Variants in MAPK9 observed in about 807,000 individuals in gnomAD.
The protein encoded by MAPK9 is Jun kinase.
In MAPK9, 30 loss-of-function variants were observed where a neutral mutation model predicts 57.1. The ratio of observed to expected loss-of-function variants is 0.53; its 90% CI spans 0.39 to 0.71. The LOEUF is 0.71. Among genes scored for constraint, MAPK9 ranks in the 30% least tolerant of loss-of-function variants. The pLI is 0.00. For synonymous variants in MAPK9, 155 were observed against 177.0 expected, an observed-to-expected ratio of 0.88 and a Z score of 0.99; for missense variants, 362 against 521.0, an observed-to-expected ratio of 0.69 and a Z score of 2.97.
chr5:180,265,104 T>C (rs551560313), intron 3 of MAPK9, among the ~76,000 whole-genome samples: 30 of 152,170 alleles, frequency 2.0e-4, no homozygotes, highest in African/African-American at 4.1e-4. Flanking sequence ...TTTTTGAACA[T>C]AAAAAAGTAG....
chr5:180,279,551 TA>T (rs1487732134), intron 2 of MAPK9, among the ~76,000 whole-genome samples: 1 of 152,134 alleles, frequency 6.6e-6, no homozygotes. Context: ...CAAGGAAATG[TA>T]AACTACCCTA....
At chr5:180,279,130 G>A (rs1289331263) in intron 2 of MAPK9, among the ~76,000 whole-genome samples, 1 of 151,964 alleles carries the variant, frequency 6.6e-6, no homozygotes, top group Non-Finnish European at 1.5e-5. Context: ...GCTAATTTCT[G>A]TATTTTTAGC....
At chr5:180,248,937 A>C in intron 6 of MAPK9, 36 bp downstream of exon 6, 1 of 1,556,934 alleles carries the variant, frequency 6.4e-7, no homozygotes, top group Non-Finnish European at 8.7e-7. Context: ...GCAATTTCTA[A>C]ACATCCCAGC....
At chr5:180,261,607 A>T in intron 5 of MAPK9, 77 bp downstream of exon 5, 1 of 1,310,614 alleles carries the variant, frequency 7.6e-7, no homozygotes, top group Admixed American at 2.9e-5. Context: ...ATTTTTTTTA[A>T]ATGTTATTTT....
At position 180,242,508 on chromosome 5, in the gene MAPK9, C is replaced by A; in HGVS notation, c.871+65G>T. 2.1e-6 allele frequency: 3 copies of A among 1,444,106 alleles called. No homozygotes were observed. The East Asian group carries it at 6.8e-5, about 33-fold the overall frequency. 89.5% of individuals were successfully genotyped at this position (1,444,106 alleles called of 1,614,324 possible). A position where few individuals can be genotyped will look rare whatever the true frequency, so the allele number is the denominator to read the frequency against. ...AAAACACAGGTTTTTAGAATACAAA[C>A]ATGAAAGAGTGAAAGCACCACCTGA... On this transcript the variant is annotated intron_variant, in intron 8 of 11. Transcript: ENST00000452135.
At chr5:180,270,629 T>C (rs1366165208) in intron 2 of MAPK9, among the ~76,000 whole-genome samples, 1 of 152,108 alleles carries the variant, frequency 6.6e-6, no homozygotes, top group African/African-American at 2.4e-5. Context: ...GGCAGGCAGA[T>C]CGCTTGAGCC....
chr5:180,248,239 G>A (rs1038479210), intron 6 of MAPK9, among the ~76,000 whole-genome samples: 1 of 152,216 alleles, frequency 6.6e-6, no homozygotes, highest in Non-Finnish European at 1.5e-5. Context: ...GTGCCCTGCT[G>A]GCGGGCCGAG....
intron 4 of MAPK9, among the ~76,000 whole-genome samples, chr5:180,262,108 T>C (rs934243619): frequency 2.2e-4 from 33 of 152,094 alleles, no homozygotes; most frequent in African/African-American, 8.0e-4. Flanking sequence ...AAATTCTCCG[T>C]ACCAGCCTAA....
At chr5:180,290,688 G>C (rs1299038529) in intron 1 of MAPK9, among the ~76,000 whole-genome samples, 1 of 152,234 alleles carries the variant, frequency 6.6e-6, no homozygotes, top group Non-Finnish European at 1.5e-5. Context: ...TCACAAAATA[G>C]AACAAGCTTC....
intron 5 of MAPK9, among the ~76,000 whole-genome samples, chr5:180,251,362 C>T (rs531264643): frequency 2.6e-5 from 4 of 152,324 alleles, no homozygotes; most frequent in South Asian, 2.1e-4. Context: ...ACCATCTCCA[C>T]GGGCTGCCTG....
intron 3 of MAPK9, among the ~76,000 whole-genome samples, chr5:180,268,812 G>A (rs568703359): frequency 7.0e-4 from 93 of 132,786 alleles, no homozygotes; most frequent in Admixed American, 1.5e-3. Flanking sequence ...GGGCGACAGA[G>A]CGAGACTCCG....
At position 180,236,250 on chromosome 5, in the gene MAPK9, A is replaced by G; in HGVS notation, c.*134T>C. The G allele has an allele frequency of 1.0e-6, 1 of 982,910 alleles. No homozygotes were observed. The highest frequency in any genetic ancestry group is 1.4e-6 in the Non-Finnish European group (1 of 702,342). 60.9% of individuals were successfully genotyped at this position (982,910 alleles called of 1,614,324 possible). A position where few individuals can be genotyped will look rare whatever the true frequency, so the allele number is the denominator to read the frequency against. On this transcript the variant is annotated 3_prime_UTR_variant, in exon 12 of 12. Coordinates refer to ENST00000452135, the MANE Select transcript of MAPK9 (RefSeq NM_002752.5). Reference sequence around the variant, plus strand: ...TAAGCAGGCAATCCTATCAGGTCTGAGTAGGGCAAGGCATTGTGTTTCTTA... The same window carrying G: ...TAAGCAGGCAATCCTATCAGGTCTGGGTAGGGCAAGGCATTGTGTTTCTTA...
Position 180,284,954 on chromosome 5 carries a change from T to C in MAPK9, c.-47-4346A>G, listed in dbSNP as rs116572020. ...TACACAATGCTGGCAAGTAGAGAAA[T>C]AGTGGGAAATGAGAAACTTTCTTCC... On this transcript the variant is annotated intron_variant, in intron 1 of 11. Coordinates refer to ENST00000452135, the MANE Select transcript of MAPK9 (RefSeq NM_002752.5). 4.3e-3 allele frequency among the ~76,000 whole-genome samples: 652 copies of C among 152,266 alleles called. 5 individuals are homozygous for C. The highest frequency in any genetic ancestry group is 0.014 in the Middle Eastern group (4 of 294).
intron 2 of MAPK9, among the ~76,000 whole-genome samples, chr5:180,272,236 AT>A (rs1761399111): frequency 6.6e-6 from 1 of 152,216 alleles, no homozygotes; most frequent in South Asian, 2.1e-4. Context: ...TCCTCAAGGA[AT>A]TTCCTCAGAA....
At chr5:180,274,478 G>C (rs1384723700) in intron 2 of MAPK9, among the ~76,000 whole-genome samples, 1 of 152,226 alleles carries the variant, frequency 6.6e-6, no homozygotes, top group Non-Finnish European at 1.5e-5. Flanking sequence ...CTTGAAGATG[G>C]AGGAGGTCAC....
intron 3 of MAPK9, 99 bp from the exon 4 acceptor site, chr5:180,264,938 A>G: frequency 1.0e-6 from 1 of 956,384 alleles, no homozygotes; most frequent in Non-Finnish European, 1.4e-6. Context: ...AAAAAATCAC[A>G]GCAGAATTCA....
At chr5:180,272,798 ACCATTCCTGTACG>A (rs2127611260) in intron 2 of MAPK9, among the ~76,000 whole-genome samples, 1 of 152,328 alleles carries the variant, frequency 6.6e-6, no homozygotes, top group African/African-American at 2.4e-5. Flanking sequence ...CACAGTCATC[ACCATTCCTGTACG>A]CAGCTCCGGA....
chr5:180,242,193 G>A (rs1289814142), intron 8 of MAPK9, among the ~76,000 whole-genome samples: 1 of 152,170 alleles, frequency 6.6e-6, no homozygotes, highest in Admixed American at 6.5e-5. Flanking sequence ...TCACACTGTA[G>A]TAAAGGGTGC....
At chr5:180,283,554 T>C (rs1242154465) in intron 1 of MAPK9, among the ~76,000 whole-genome samples, 1 of 152,250 alleles carries the variant, frequency 6.6e-6, no homozygotes, top group Non-Finnish European at 1.5e-5. Flanking sequence ...TCAACCTATA[T>C]TTGGACTATG....
Sources: gnomAD v4.1 joint callset for allele counts (sites outside exome capture counted in the v4.1 genomes callset) on GRCh38, gnomAD v4.1.1 for gene constraint, MANE v1.5 for transcripts, NCBI Gene and HGNC (gene_info 2026-07-23, HGNC 2026-07-21) for gene names.